WDR72: variants seen among roughly 807,000 people sequenced by gnomAD.
WDR72 encodes the protein WD repeat domain 72.
A neutral mutation model predicts 124.2 loss-of-function variants in WDR72; 120 were observed. The ratio of observed to expected loss-of-function variants is 0.97; its 90% CI spans 0.83 to 1.12. The LOEUF (loss-of-function observed/expected upper bound fraction) is 1.12. WDR72 is among the 50% of genes most tolerant of loss of function. The pLI, the probability that WDR72 is intolerant of heterozygous loss-of-function variation, is 0.00. For missense variants in WDR72, 1,387 were observed against 1,278.8 expected (o/e 1.08, Z -1.29); for synonymous variants, 452 against 441.7 (o/e 1.02, Z -0.29).
At chr15:53,747,230 T>A (rs905522551) in intron 1 of WDR72, among the ~76,000 whole-genome samples, 1 of 152,206 alleles carries the variant, frequency 6.6e-6, no homozygotes, top group Non-Finnish European at 1.5e-5. Flanking sequence ...CAGATTGTAA[T>A]TAGATCACTC....
At chr15:53,666,435 C>A (rs1241081886) in intron 13 of WDR72, among the ~76,000 whole-genome samples, 1 of 152,002 alleles carries the variant, frequency 6.6e-6, no homozygotes, top group Non-Finnish European at 1.5e-5. Flanking sequence ...ATAAAATAGA[C>A]CAAAAGTATC....
At chr15:53,556,831 C>T (rs1009736205) in intron 18 of WDR72, among the ~76,000 whole-genome samples, 1 of 152,006 alleles carries the variant, frequency 6.6e-6, no homozygotes, top group African/African-American at 2.4e-5. Flanking sequence ...ATGAGTATAG[C>T]GCATGCTGAG....
intron 14 of WDR72, among the ~76,000 whole-genome samples, chr15:53,625,097 G>T (rs1299792177): frequency 6.6e-6 from 1 of 152,154 alleles, no homozygotes; most frequent in South Asian, 2.1e-4. Context: ...TTAATTTTAG[G>T]ATGATAAAAT....
At chr15:53,535,598 T>C (rs898989450) in intron 18 of WDR72, among the ~76,000 whole-genome samples, 2 of 152,180 alleles carry the variant, frequency 1.3e-5, no homozygotes, top group African/African-American at 4.8e-5. Flanking sequence ...GAGGAACCAG[T>C]TATTTCCAGG....
At chr15:53,529,300 T>C (rs963225630) in intron 18 of WDR72, among the ~76,000 whole-genome samples, 1 of 151,780 alleles carries the variant, frequency 6.6e-6, no homozygotes, top group African/African-American at 2.4e-5. Flanking sequence ...GTTTCAATCT[T>C]ACCTCTGCTC....
intron 14 of WDR72, among the ~76,000 whole-genome samples, chr15:53,647,456 A>C (rs2015082756): frequency 6.6e-6 from 1 of 152,152 alleles, no homozygotes; most frequent in Non-Finnish European, 1.5e-5. Flanking sequence ...AACTTCCTGA[A>C]GCAGGAATCT....
chr15:53,731,224 G>A (rs775041484), intron 2 of WDR72, among the ~76,000 whole-genome samples: 32 of 151,956 alleles, frequency 2.1e-4, no homozygotes, highest in Non-Finnish European at 3.7e-4. Context: ...GCCTAGGCCC[G>A]TCTTCCCCTC....
intron 14 of WDR72, among the ~76,000 whole-genome samples, chr15:53,653,829 A>T (rs1459980348): frequency 6.6e-6 from 1 of 152,202 alleles, no homozygotes; most frequent in Non-Finnish European, 1.5e-5. Flanking sequence ...AATCAAATTT[A>T]TAACTCCAAA....
intron 18 of WDR72, among the ~76,000 whole-genome samples, chr15:53,545,544 T>G (rs1410185003): frequency 2.0e-5 from 3 of 151,862 alleles, no homozygotes; most frequent in African/African-American, 7.3e-5. Flanking sequence ...ACGTTAGACC[T>G]AAAACCATAA....
At chr15:53,669,627 G>A (rs886713911) in intron 13 of WDR72, among the ~76,000 whole-genome samples, 1 of 152,062 alleles carries the variant, frequency 6.6e-6, no homozygotes, top group South Asian at 2.1e-4. Context: ...TTATGATGCA[G>A]AATGTTTCCT....
At chr15:53,743,192 G>GA (rs1043314859) in intron 1 of WDR72, among the ~76,000 whole-genome samples, 1 of 151,676 alleles carries the variant, frequency 6.6e-6, no homozygotes, top group Non-Finnish European at 1.5e-5. Context: ...GTGGCATAAT[G>GA]AAAAAAATAA....
intron 1 of WDR72, chr15:53,759,292 G>A (rs1406771770): frequency 6.6e-6 from 1 of 152,168 alleles, no homozygotes; most frequent in African/African-American, 2.4e-5. Context: ...GGAAAGGCAG[G>A]TCCCTAACCG....
intron 18 of WDR72, among the ~76,000 whole-genome samples, chr15:53,526,739 A>G (rs1487141607): frequency 6.6e-6 from 1 of 152,222 alleles, no homozygotes; most frequent in East Asian, 1.9e-4. Flanking sequence ...GGTGCATTTC[A>G]GAGCTTGGCA....
chr15:53,761,017 C>T (rs919896074), upstream of WDR72, among the ~76,000 whole-genome samples: 1 of 151,964 alleles, frequency 6.6e-6, no homozygotes, highest in African/African-American at 2.4e-5. Flanking sequence ...GATGCTACTC[C>T]AGAGACTGAG....
At chr15:53,520,805 C>T (rs527858803) in intron 19 of WDR72, among the ~76,000 whole-genome samples, 15 of 152,190 alleles carry the variant, frequency 9.9e-5, no homozygotes, top group Admixed American at 3.3e-4. Flanking sequence ...AAGAACATCC[C>T]TCTCTGCCAC....
At chr15:53,557,624 A>G (rs1300006989) in intron 18 of WDR72, among the ~76,000 whole-genome samples, 1 of 151,960 alleles carries the variant, frequency 6.6e-6, no homozygotes, top group East Asian at 1.9e-4. Flanking sequence ...GTTCTTGTGT[A>G]ATGAAATCTG....
chr15:53,658,315 G>A (rs1278043029), intron 14 of WDR72, among the ~76,000 whole-genome samples: 1 of 152,104 alleles, frequency 6.6e-6, no homozygotes, highest in Non-Finnish European at 1.5e-5. Context: ...CGCAATGGTA[G>A]AGAAACCCAA....
intron 17 of WDR72, among the ~76,000 whole-genome samples, chr15:53,601,530 G>T (rs757857388): frequency 1.1e-4 from 16 of 151,998 alleles, no homozygotes; most frequent in Non-Finnish European, 1.8e-4. Context: ...AAATGTAAAT[G>T]GACTGAATGC....
chr15:53,725,823 A>G (rs1482872041), intron 2 of WDR72, among the ~76,000 whole-genome samples: 1 of 152,188 alleles, frequency 6.6e-6, no homozygotes, highest in Admixed American at 6.6e-5. Context: ...TGGGGCACAG[A>G]GAATTTTTAG....
Sources: allele counts gnomAD v4.1 joint callset (sites outside exome capture counted in the v4.1 genomes callset), GRCh38; gene constraint gnomAD v4.1.1; transcripts MANE v1.5; gene names NCBI Gene and HGNC (gene_info 2026-07-23, HGNC 2026-07-21).